The following UMAD1 variants were observed in gnomAD, a reference collection of about 807,000 sequenced individuals.
UMAD1 encodes UBAP1-MVB12-associated (UMA) domain containing 1.
Under a neutral mutation model 6.1 loss-of-function variants are expected in UMAD1, and 8 were observed. The observed-to-expected ratio is 1.30, with a 90% CI of 0.76 to 2.35. The LOEUF (loss-of-function observed/expected upper bound fraction) is 2.35, where lower values mean the gene tolerates loss of function less well. UMAD1 is among the 30% of genes most tolerant of loss of function. The probability of loss-of-function intolerance (pLI) is 0.00; values close to 1 mark genes in which losing one functional copy is unlikely to be tolerated. For missense variants in UMAD1, 130 were observed against 78.4 expected (o/e 1.66, Z -2.49); for synonymous variants, 56 against 31.4 (o/e 1.78, Z -2.61).
intron 3 of UMAD1, among the ~76,000 whole-genome samples, chr7:7,866,789 G>A (rs1040300622): frequency 6.6e-6 from 1 of 152,198 alleles, no homozygotes; most frequent in Non-Finnish European, 1.5e-5. Context: ...CAAAGGCATT[G>A]AGGAATGTTA....
intron 2 of UMAD1, among the ~76,000 whole-genome samples, chr7:7,737,245 T>C (rs927095362): frequency 6.6e-6 from 1 of 152,370 alleles, no homozygotes; most frequent in South Asian, 2.1e-4. Flanking sequence ...GGTGAGTTAA[T>C]TAACCTCTCT....
chr7:7,641,582 A>G (rs917505291), intron 1 of UMAD1: 1 of 152,224 alleles, frequency 6.6e-6, no homozygotes, highest in African/African-American at 2.4e-5. Flanking sequence ...GGTCTGGAAG[A>G]TAACCGATTC....
intron 2 of UMAD1, among the ~76,000 whole-genome samples, chr7:7,740,056 G>A (rs1217810014): frequency 6.6e-6 from 1 of 152,210 alleles, no homozygotes; most frequent in African/African-American, 2.4e-5. Flanking sequence ...AAGCATGATT[G>A]TTAAAAGTTC....
chr7:7,833,329 A>G (rs978779973), intron 3 of UMAD1, among the ~76,000 whole-genome samples: 1 of 152,114 alleles, frequency 6.6e-6, no homozygotes, highest in African/African-American at 2.4e-5. Flanking sequence ...GGGAGTGAAA[A>G]AGAGAGTTAC....
intron 2 of UMAD1, chr7:7,741,087 A>G (rs990419366): frequency 6.6e-6 from 1 of 152,198 alleles, no homozygotes; most frequent in African/African-American, 2.4e-5. Context: ...TGACAAAACC[A>G]TTAACGTAGC....
At chr7:7,824,166 C>T (rs1284190136) in intron 3 of UMAD1, among the ~76,000 whole-genome samples, 1 of 152,116 alleles carries the variant, frequency 6.6e-6, no homozygotes, top group Non-Finnish European at 1.5e-5. Context: ...ATGTCCTCAT[C>T]CTTTGTCATC....
chr7:7,746,008 C>CT (rs1781566077), intron 2 of UMAD1, among the ~76,000 whole-genome samples: 1 of 152,186 alleles, frequency 6.6e-6, no homozygotes, highest in South Asian at 2.1e-4. Context: ...GTAGCTAGGA[C>CT]TACAGGCATG....
At chr7:7,859,728 C>T (rs190931840) in intron 3 of UMAD1, among the ~76,000 whole-genome samples, 2 of 152,242 alleles carry the variant, frequency 1.3e-5, no homozygotes, top group African/African-American at 2.4e-5. Flanking sequence ...TTCAACTTGA[C>T]GTACAAGTAA....
At chr7:7,760,735 A>G (rs1480021103) in intron 2 of UMAD1, among the ~76,000 whole-genome samples, 1 of 152,204 alleles carries the variant, frequency 6.6e-6, no homozygotes, top group African/African-American at 2.4e-5. Flanking sequence ...AGCTAGGAGT[A>G]GGGCACCTCC....
intron 2 of UMAD1, among the ~76,000 whole-genome samples, chr7:7,770,280 C>T (rs950029677): frequency 6.6e-6 from 1 of 152,158 alleles, no homozygotes; most frequent in Non-Finnish European, 1.5e-5. Flanking sequence ...GCAAGTGCAT[C>T]TATGAAGCCA....
intron 2 of UMAD1, among the ~76,000 whole-genome samples, chr7:7,714,943 A>C (rs561104309): frequency 2.0e-5 from 3 of 151,418 alleles, no homozygotes; most frequent in South Asian, 2.1e-4. Context: ...CACTAGAATT[A>C]AACAACAACA....
chr7:7,823,001 ATTAT>A (rs1163407396), intron 3 of UMAD1, among the ~76,000 whole-genome samples: 1 of 152,060 alleles, frequency 6.6e-6, no homozygotes, highest in African/African-American at 2.4e-5. Context: ...GTCAATGAAC[ATTAT>A]TTATTCTTTC....
chr7:7,676,110 C>G (rs919638574), intron 2 of UMAD1: 8 of 398,576 alleles, frequency 2.0e-5, no homozygotes, highest in Non-Finnish European at 3.1e-5. Context: ...AGAAGCATCT[C>G]AGAGGCTCTC....
intron 2 of UMAD1, among the ~76,000 whole-genome samples, chr7:7,716,672 G>C (rs1442496104): frequency 6.6e-6 from 1 of 152,244 alleles, no homozygotes; most frequent in South Asian, 2.1e-4. Flanking sequence ...CGCGGCCGGC[G>C]CGGTGGCTCA....
At chr7:7,693,133 A>G (rs1433993526) in intron 2 of UMAD1, among the ~76,000 whole-genome samples, 1 of 152,174 alleles carries the variant, frequency 6.6e-6, no homozygotes, top group African/African-American at 2.4e-5. Context: ...AAAGGTATAT[A>G]TATGTCCCTG....
At position 7,877,744 on chromosome 7, in the gene UMAD1, A is replaced by G. The variant is rs1268827267; in HGVS notation, c.*206A>G. On this transcript the variant is annotated 3_prime_UTR_variant, in exon 4 of 4. Coordinates refer to ENST00000682710, the MANE Select transcript of UMAD1 (RefSeq NM_001302348.2). ...ACTTAAGTTCTACTTCCTTTCTCCCATATAATAAATATACAAATTAGGCTA... is the reference window on the plus strand; with the variant it reads ...ACTTAAGTTCTACTTCCTTTCTCCCGTATAATAAATATACAAATTAGGCTA... The G allele has an allele frequency of 7.5e-6, 4 of 533,632 alleles. No homozygotes were observed. Among genetic ancestry groups the G allele is most frequent in the African/African-American group, 1.9e-5 (1 of 52,662 alleles). The allele number at this position is 533,632 out of a possible 1,614,324, so 33.1% of individuals were successfully genotyped here. A position where few individuals can be genotyped will look rare whatever the true frequency, so the allele number is the denominator to read the frequency against.
chr7:7,839,879 C>G (rs1057034366), intron 3 of UMAD1, among the ~76,000 whole-genome samples: 1 of 152,190 alleles, frequency 6.6e-6, no homozygotes, highest in Non-Finnish European at 1.5e-5. Flanking sequence ...CATCATGATT[C>G]TGTGCTTTCC....
intron 3 of UMAD1, among the ~76,000 whole-genome samples, chr7:7,867,266 A>G (rs1349258214): frequency 1.3e-5 from 2 of 152,194 alleles, no homozygotes; most frequent in Non-Finnish European, 2.9e-5. Context: ...CTAGAGAGAA[A>G]TCCGAGTTTG....
At chr7:7,873,240 T>C (rs1349765285) in intron 3 of UMAD1, among the ~76,000 whole-genome samples, 1 of 152,212 alleles carries the variant, frequency 6.6e-6, no homozygotes, top group Non-Finnish European at 1.5e-5. Context: ...CCAAGCAGCG[T>C]GGTTCTGGAA....
Sources: allele counts gnomAD v4.1 joint callset (sites outside exome capture counted in the v4.1 genomes callset), GRCh38; gene constraint gnomAD v4.1.1; transcripts MANE v1.5; gene names NCBI Gene and HGNC (gene_info 2026-07-23, HGNC 2026-07-21).